The following RASSF4 variants were observed in gnomAD, a reference collection of about 807,000 sequenced individuals.
RASSF4 encodes ras association domain-containing protein 4.
Under a neutral mutation model 41.1 loss-of-function variants are expected in RASSF4, and 38 were observed. That is an observed-to-expected ratio of 0.92 (90% CI 0.71 to 1.21). The LOEUF (loss-of-function observed/expected upper bound fraction) is 1.21, where lower values mean the gene tolerates loss of function less well. Ranked by LOEUF, RASSF4 falls within the 50% of genes most tolerant of loss-of-function variation. RASSF4 has a pLI of 0.00. For missense variants in RASSF4, 414 were observed against 419.4 expected, an observed-to-expected ratio of 0.99 and a Z score of 0.11; for synonymous variants, 179 against 163.4, an observed-to-expected ratio of 1.10 and a Z score of -0.73.
intron 1 of RASSF4, among the ~76,000 whole-genome samples, chr10:44,961,633 T>C (rs1348797988): frequency 1.3e-5 from 2 of 152,238 alleles, no homozygotes; most frequent in Non-Finnish European, 2.9e-5. Context: ...AATGGGAGCC[T>C]CTTTTCATTA....
chr10:44,965,817 T>C (rs1840881296), intron 1 of RASSF4, among the ~76,000 whole-genome samples: 1 of 152,216 alleles, frequency 6.6e-6, no homozygotes, highest in African/African-American at 2.4e-5. Flanking sequence ...ATCTGCAGCC[T>C]AGGACTCTCC....
At position 44,995,554 on chromosome 10, in the gene RASSF4, G is replaced by C. The variant is rs1234231393; in HGVS notation, c.*2225G>C. 6.6e-6 allele frequency: 1 copy of C among 152,206 alleles called. No homozygotes were observed. Among genetic ancestry groups the C allele is most frequent in the Non-Finnish European group, 1.5e-5 (1 of 68,038 alleles). The allele number at this position is 152,206 out of a possible 1,614,324, so 9.4% of individuals were successfully genotyped here. A position where few individuals can be genotyped will look rare whatever the true frequency, so the allele number is the denominator to read the frequency against. ...TCGGATAAGTTCACTTTTAAAGTAG[G>C]TGTTATCAATCTAATTTCTGAACGT... is the stretch of plus-strand genomic sequence containing the variant. On this transcript the variant is annotated 3_prime_UTR_variant, in exon 11 of 11. Transcript: ENST00000340258.
At chr10:44,971,617 G>A (rs772459079) in intron 2 of RASSF4, 156 bp from the exon 3 acceptor site, 5 of 734,170 alleles carry the variant, frequency 6.8e-6, no homozygotes, top group African/African-American at 1.7e-5. Flanking sequence ...GGTGCATTGC[G>A]ATGGCAGTCT....
At chr10:44,962,817 G>GT (rs1395252515) in intron 1 of RASSF4, among the ~76,000 whole-genome samples, 1 of 152,234 alleles carries the variant, frequency 6.6e-6, no homozygotes, top group Non-Finnish European at 1.5e-5. Context: ...TGTTTAAGGT[G>GT]TAAGGGGGGA....
At chr10:44,975,338 C>T (rs1296538084) in intron 3 of RASSF4, among the ~76,000 whole-genome samples, 2 of 148,998 alleles carry the variant, frequency 1.3e-5, no homozygotes, top group African/African-American at 5.2e-5. Context: ...CCACGAACAT[C>T]TGTTTTCTGG....
intron 10 of RASSF4, among the ~76,000 whole-genome samples, chr10:44,992,242 T>C (rs1842142034): frequency 6.6e-6 from 1 of 152,226 alleles, no homozygotes; most frequent in South Asian, 2.1e-4. Context: ...CCATCCAGTC[T>C]TGGCATCCTC....
chr10:44,966,414 C>T (rs1054749940), intron 1 of RASSF4, among the ~76,000 whole-genome samples: 2 of 152,156 alleles, frequency 1.3e-5, no homozygotes, highest in Non-Finnish European at 2.9e-5. Flanking sequence ...GGAGAGGTCC[C>T]CAAACACTGG....
At chr10:44,977,061 G>A (rs901828379) in intron 3 of RASSF4, 12 of 213,334 alleles carry the variant, frequency 5.6e-5, no homozygotes, top group African/African-American at 9.1e-5. Flanking sequence ...TCCTATATGC[G>A]GTTACACGTC....
At chr10:44,977,551 A>G (rs1841492255) in intron 3 of RASSF4, 2 of 1,613,324 alleles carry the variant, frequency 1.2e-6, no homozygotes, top group African/African-American at 2.7e-5. Context: ...TTGCCAGGGA[A>G]TGCCCAGGCA....
chr10:44,975,926 C>G (rs1487872225), intron 3 of RASSF4, among the ~76,000 whole-genome samples: 1 of 152,070 alleles, frequency 6.6e-6, no homozygotes, highest in Non-Finnish European at 1.5e-5. Context: ...GACCCCGTTT[C>G]ATGATGCTTT....
intron 4 of RASSF4, 104 bp downstream of exon 4, chr10:44,982,767 C>T (rs1588835008): frequency 7.8e-7 from 1 of 1,284,746 alleles, no homozygotes; most frequent in African/African-American, 1.5e-5. Context: ...GGGACACTGG[C>T]ACAGGAGGGT....
intron 1 of RASSF4, among the ~76,000 whole-genome samples, chr10:44,963,387 G>A (rs1052867182): frequency 6.6e-5 from 10 of 152,164 alleles, no homozygotes; most frequent in African/African-American, 2.4e-4. Context: ...ACCTGGTTTC[G>A]GCAGACGCTG....
chr10:44,993,625 C>T lies in RASSF4; in HGVS notation c.*296C>T. On this transcript the variant is annotated 3_prime_UTR_variant, in exon 11 of 11. Coordinates refer to ENST00000340258, the MANE Select transcript of RASSF4 (RefSeq NM_032023.4). The stretch of plus-strand genomic sequence containing the variant: ...TCCTGCACTGGAGAGCAGTGCTGGC[C>T]CAGCCCCTGCGGCTTAGGCTTCATC... 2.6e-6 allele frequency: 1 copy of T among 390,688 alleles called. No individual in the cohort carries two copies. The highest frequency in any genetic ancestry group is 4.8e-6 in the Non-Finnish European group (1 of 210,118). The allele number at this position is 390,688 out of a possible 1,614,324, so 24.2% of individuals were successfully genotyped here.
intron 1 of RASSF4, among the ~76,000 whole-genome samples, chr10:44,965,711 T>G (rs961401241): frequency 2.0e-5 from 3 of 152,244 alleles, no homozygotes; most frequent in Admixed American, 2.0e-4. Context: ...CTTTGCTCGC[T>G]GACCCCCCTG....
chr10:44,980,801 C>G (rs1184911254), intron 3 of RASSF4: 1 of 152,320 alleles, frequency 6.6e-6, no homozygotes, highest in African/African-American at 2.4e-5. Flanking sequence ...CAAGCTCTCT[C>G]CACTGAGAGG....
At chr10:44,963,872 T>C (rs1451461844) in intron 1 of RASSF4, among the ~76,000 whole-genome samples, 1 of 152,228 alleles carries the variant, frequency 6.6e-6, no homozygotes, top group Non-Finnish European at 1.5e-5. Context: ...CCATGTTTTA[T>C]GTAAGAAGGG....
chr10:44,970,444 C>A, intron 2 of RASSF4, 180 bp downstream of exon 2: 2 of 593,468 alleles, frequency 3.4e-6, no homozygotes, highest in Admixed American at 3.1e-5. Flanking sequence ...CCAAGCTACA[C>A]ATGACCATGG....
Position 44,993,306 on chromosome 10 carries a change from G to A in RASSF4, c.943G>A (p.Glu315Lys). 6.2e-7 allele frequency: 1 copy of A among 1,607,176 alleles called. No homozygotes were observed. Among genetic ancestry groups the A allele is most frequent in the Non-Finnish European group, 8.5e-7 (1 of 1,179,480 alleles). Residue 315 changes from glutamate to lysine, a missense_variant, in exon 11 of 11, where the codon GAG becomes AAG. Transcript: ENST00000340258. The part of the protein sequence containing the change: ...ALRLTMLQRL[E>K]QLVEAK ...GCGTCTGACGATGCTGCAGCGCCTG[G>A]AGCAGCTGGTGGAGGCCAAGTAACT... is the stretch of plus-strand genomic sequence containing the variant.
At chr10:44,964,563 A>T (rs572292066) in intron 1 of RASSF4, among the ~76,000 whole-genome samples, 23 of 152,338 alleles carry the variant, frequency 1.5e-4, no homozygotes, top group African/African-American at 4.8e-4. Context: ...GCTGCCACCC[A>T]TGCAGCCTCG....
Sources: gnomAD v4.1 joint callset for allele counts (sites outside exome capture counted in the v4.1 genomes callset) on GRCh38, gnomAD v4.1.1 for gene constraint, MANE v1.5 for transcripts, NCBI Gene and HGNC (gene_info 2026-07-23, HGNC 2026-07-21) for gene names.